RSU1: variants seen among roughly 807,000 people sequenced by gnomAD.
RSU1 encodes the protein rsu-1.
RSU1 carries 26 observed loss-of-function variants against 31.1 expected under a neutral mutation model. The observed-to-expected ratio is 0.84, with a 90% CI of 0.61 to 1.16. The LOEUF (loss-of-function observed/expected upper bound fraction) is 1.16. Among genes scored for constraint, RSU1 ranks in the 50% most tolerant of loss-of-function variants. RSU1 has a pLI of 0.00. For synonymous variants in RSU1, 164 were observed against 136.3 expected, an observed-to-expected ratio of 1.20 and a Z score of -1.41; for missense variants, 320 against 339.1, an observed-to-expected ratio of 0.94 and a Z score of 0.44.
At chr10:16,626,201 C>T (rs140219438) in intron 8 of RSU1, among the ~76,000 whole-genome samples, 147 of 152,084 alleles carry the variant, frequency 9.7e-4, no homozygotes, top group African/African-American at 3.1e-3. Context: ...CATGCCACCA[C>T]GTCCAGCTAA....
At chr10:16,781,407 T>A (rs1333895275) in intron 3 of RSU1, among the ~76,000 whole-genome samples, 1 of 152,188 alleles carries the variant, frequency 6.6e-6, no homozygotes, top group Non-Finnish European at 1.5e-5. Flanking sequence ...AATGCAGATG[T>A]AAAGGTATAT....
At chr10:16,739,466 CT>C (rs35664560) in intron 7 of RSU1, among the ~76,000 whole-genome samples, 1,831 of 94,134 alleles carry the variant, frequency 0.019, 13 homozygotes, top group African/African-American at 0.072. Flanking sequence ...CATTTTCTTC[CT>C]TTTTTTTTTT....
At chr10:16,612,894 C>T (rs1222588284) in intron 8 of RSU1, among the ~76,000 whole-genome samples, 1 of 151,942 alleles carries the variant, frequency 6.6e-6, no homozygotes, top group Non-Finnish European at 1.5e-5. Flanking sequence ...CTTCCCCCCT[C>T]CTCTTCCCCC....
intron 8 of RSU1, among the ~76,000 whole-genome samples, chr10:16,642,856 A>G (rs1443280386): frequency 6.6e-6 from 1 of 152,208 alleles, no homozygotes; most frequent in South Asian, 2.1e-4. Flanking sequence ...AGCCAGGTTT[A>G]TTGAAGTATA....
At chr10:16,638,331 A>G (rs760679358) in intron 8 of RSU1, among the ~76,000 whole-genome samples, 1 of 152,106 alleles carries the variant, frequency 6.6e-6, no homozygotes, top group Non-Finnish European at 1.5e-5. Context: ...GTACCTTTTA[A>G]CATCCTTGTG....
At chr10:16,765,031 A>G (rs1837285500) in intron 3 of RSU1, among the ~76,000 whole-genome samples, 1 of 152,156 alleles carries the variant, frequency 6.6e-6, no homozygotes, top group East Asian at 1.9e-4. Context: ...GAATTTCTGT[A>G]CCACAAACAG....
intron 8 of RSU1, among the ~76,000 whole-genome samples, chr10:16,617,463 T>C (rs1259139722): frequency 6.6e-6 from 1 of 152,218 alleles, no homozygotes; most frequent in Non-Finnish European, 1.5e-5. Context: ...ATTGCCTTTC[T>C]TCACAGAATT....
At chr10:16,594,275 AGTTGCT>A (rs1833567381) in intron 8 of RSU1, among the ~76,000 whole-genome samples, 2 of 152,300 alleles carry the variant, frequency 1.3e-5, no homozygotes, top group East Asian at 3.9e-4. Context: ...CACAGCCCGC[AGTTGCT>A]GTGAATGAGG....
chr10:16,794,609 G>C (rs768132455), intron 2 of RSU1, among the ~76,000 whole-genome samples: 1 of 152,188 alleles, frequency 6.6e-6, no homozygotes, highest in Admixed American at 6.5e-5. Flanking sequence ...TCAATTTACA[G>C]ATAAGAAAAC....
intron 8 of RSU1, among the ~76,000 whole-genome samples, chr10:16,669,060 C>T (rs897534029): frequency 7.9e-5 from 12 of 152,222 alleles, no homozygotes; most frequent in African/African-American, 2.2e-4. Context: ...CTTTGACCTG[C>T]AGTCTATTAC....
chr10:16,755,478 G>A (rs1475018425), intron 4 of RSU1, among the ~76,000 whole-genome samples: 1 of 150,286 alleles, frequency 6.7e-6, no homozygotes, highest in African/African-American at 2.5e-5. Context: ...GACAAAGATT[G>A]TACATACTTA....
At chr10:16,654,007 T>G (rs969331860) in intron 8 of RSU1, among the ~76,000 whole-genome samples, 1 of 151,994 alleles carries the variant, frequency 6.6e-6, no homozygotes, top group Non-Finnish European at 1.5e-5. Flanking sequence ...TGACTTCTTT[T>G]TCATTTTTTT....
intron 8 of RSU1, among the ~76,000 whole-genome samples, chr10:16,594,606 TATCTA>T (rs1198834759): frequency 6.8e-6 from 1 of 146,920 alleles, no homozygotes; most frequent in African/African-American, 2.5e-5. Flanking sequence ...TCATATATAA[TATCTA>T]TTATATGATA....
rs1346570739 is a variant in RSU1 at position 16,592,009 on chromosome 10, C to CTGAT, written c.*1381_*1384dup. The CTGAT allele has an allele frequency of 3.3e-5, 5 of 152,224 alleles. No homozygotes were observed. The highest frequency in any genetic ancestry group is 7.2e-5 in the African/African-American group (3 of 41,458). 9.4% of individuals were successfully genotyped at this position (152,224 alleles called of 1,614,324 possible). A position where few individuals can be genotyped will look rare whatever the true frequency, so the allele number is the denominator to read the frequency against. ...GTTTAGACCTTGCTCTGTGGCCTCT[C>CTGAT]TGATTGAAATGCGAAGTCTGTTTCC... On this transcript the variant is annotated 3_prime_UTR_variant, in exon 9 of 9. Coordinates refer to ENST00000345264, the MANE Select transcript of RSU1 (RefSeq NM_012425.4).
chr10:16,593,176 G>T lies in RSU1; in HGVS notation c.*218C>A, dbSNP rs1588663581. ...AGCTTTGTTCCCTGCTTTTGGTAAT[G>T]TTAAAGAAACAAATGGAAATGGTTT... On this transcript the variant is annotated 3_prime_UTR_variant, in exon 9 of 9. Coordinates refer to ENST00000345264, the MANE Select transcript of RSU1 (RefSeq NM_012425.4). 2.5e-6 allele frequency: 2 copies of T among 789,846 alleles called. No individual in the cohort carries two copies. Among genetic ancestry groups the T allele is most frequent in the African/African-American group, 1.7e-5 (1 of 58,194 alleles). The allele number at this position is 789,846 out of a possible 1,614,324, so 48.9% of individuals were successfully genotyped here.
chr10:16,780,408 AT>A (rs1353048781), intron 3 of RSU1, among the ~76,000 whole-genome samples: 4 of 151,992 alleles, frequency 2.6e-5, no homozygotes, highest in Non-Finnish European at 5.9e-5. Flanking sequence ...TGTCCGGTTA[AT>A]TTTTTGATTT....
At chr10:16,611,691 T>C (rs569707284) in intron 8 of RSU1, among the ~76,000 whole-genome samples, 15 of 152,306 alleles carry the variant, frequency 9.8e-5, no homozygotes, top group African/African-American at 3.1e-4. Flanking sequence ...CCCTTTCTCA[T>C]GGGAGACACC....
At chr10:16,745,485 C>T (rs998150463) in intron 7 of RSU1, among the ~76,000 whole-genome samples, 1 of 152,124 alleles carries the variant, frequency 6.6e-6, no homozygotes, top group South Asian at 2.1e-4. Context: ...GGAGGCCTCA[C>T]AATCATGGTG....
At chr10:16,769,482 G>GT (rs1388563127) in intron 3 of RSU1, among the ~76,000 whole-genome samples, 2 of 152,196 alleles carry the variant, frequency 1.3e-5, no homozygotes, top group African/African-American at 4.8e-5. Flanking sequence ...ACCGCAAAAT[G>GT]TTTTATTACA....
Sources: gnomAD v4.1 joint callset for allele counts (sites outside exome capture counted in the v4.1 genomes callset) on GRCh38, gnomAD v4.1.1 for gene constraint, MANE v1.5 for transcripts, NCBI Gene and HGNC (gene_info 2026-07-23, HGNC 2026-07-21) for gene names.